CD99: variants seen among roughly 807,000 people sequenced by gnomAD.
CD99 encodes the protein CD99 molecule (Xg blood group), also known as CD99 antigen.
Under a neutral mutation model 28.4 loss-of-function variants are expected in CD99, and 19 were observed. That is an observed-to-expected ratio of 0.67 (90% CI 0.47 to 0.98). CD99 has a LOEUF of 0.98. Ranked by LOEUF, CD99 falls within the 50% of genes least tolerant of loss-of-function variation. The pLI is 0.00. For synonymous variants in CD99, 103 were observed against 92.1 expected, an observed-to-expected ratio of 1.12 and a Z score of -0.67; for missense variants, 283 against 248.8, an observed-to-expected ratio of 1.14 and a Z score of -0.92.
At position 2,709,518 on chromosome X, in the gene CD99, C is replaced by CA. The variant is rs2048286720; in HGVS notation, c.68-4903dup. 3.3e-5 allele frequency among the ~76,000 whole-genome samples: 5 copies of CA among 152,304 alleles called. No homozygotes were observed. In the South Asian group the frequency reaches 8.3e-4, roughly 25 times the overall value. On this transcript the variant is annotated intron_variant, in intron 1 of 9. Coordinates refer to ENST00000381192, the MANE Select transcript of CD99 (RefSeq NM_002414.5). ...AGCACACTCACAATGCACATGAAAA[C>CA]ACGTGTGCACACACATGCAGTGCAA...
At chrX:2,734,776 C>CT (rs56157721) in intron 8 of CD99, among the ~76,000 whole-genome samples, 7 of 144,718 alleles carry the variant, frequency 4.8e-5, no homozygotes, top group South Asian at 2.2e-4. Context: ...TTTCTGATTT[C>CT]TTTTTTTTTC....
At chrX:2,737,928 A>T in intron 8 of CD99, 1 of 670,780 alleles carries the variant, frequency 1.5e-6, no homozygotes, top group Non-Finnish European at 2.8e-6. Context: ...AGAAGAAAGC[A>T]ACCCTTAAAA....
chrX:2,720,482 A>G, intron 5 of CD99, 58 bp downstream of exon 5: 3 of 1,531,150 alleles, frequency 2.0e-6, no homozygotes, highest in South Asian at 2.2e-5. Flanking sequence ...AGCGATATTT[A>G]TGTCAGCTGA....
chrX:2,733,403 G>A (rs763704608), intron 8 of CD99: 74 of 1,586,328 alleles, frequency 4.7e-5, no homozygotes, highest in Middle Eastern at 1.7e-4. Flanking sequence ...CCAGGCCTGC[G>A]GAGCGTCCTG....
chrX:2,729,229 A>G (rs2049463793), intron 8 of CD99, among the ~76,000 whole-genome samples: 1 of 152,200 alleles, frequency 6.6e-6, no homozygotes, highest in African/African-American at 2.4e-5. Flanking sequence ...AGGTCAACCC[A>G]AATTGGATTC....
chrX:2,714,639 C>T, intron 2 of CD99, 185 bp downstream of exon 2: 1 of 510,236 alleles, frequency 2.0e-6, no homozygotes, highest in Non-Finnish European at 3.6e-6. Flanking sequence ...ATTAAGTATG[C>T]AATAGCATTA....
intron 8 of CD99, among the ~76,000 whole-genome samples, chrX:2,730,105 G>A (rs2049512649): frequency 6.6e-6 from 1 of 152,248 alleles, no homozygotes; most frequent in Non-Finnish European, 1.5e-5. Context: ...AGTAAGCCAT[G>A]ATTGCACCAC....
At chrX:2,709,118 A>C (rs1002605282) in intron 1 of CD99, among the ~76,000 whole-genome samples, 2 of 145,290 alleles carry the variant, frequency 1.4e-5, no homozygotes, top group African/African-American at 4.9e-5. Context: ...GGAGGATGGG[A>C]GGGGCAAGCT....
At chrX:2,713,068 A>G (rs933559391) in intron 1 of CD99, among the ~76,000 whole-genome samples, 6 of 151,660 alleles carry the variant, frequency 4.0e-5, no homozygotes, top group Non-Finnish European at 5.9e-5. Flanking sequence ...ACACACATAA[A>G]CATATTGACA....
At chrX:2,725,577 C>T (rs899618350) in intron 7 of CD99, among the ~76,000 whole-genome samples, 2 of 152,170 alleles carry the variant, frequency 1.3e-5, no homozygotes, top group Non-Finnish European at 2.9e-5. Context: ...GCCTGGGCTC[C>T]TTCCTCCAGG....
chrX:2,691,588 A>T (rs2047296178), intron 1 of CD99, 161 bp downstream of exon 1: 2 of 784,358 alleles, frequency 2.5e-6, no homozygotes, highest in East Asian at 5.3e-5. Flanking sequence ...GGCCCGGAGG[A>T]GGCGCCCACT....
intron 7 of CD99, among the ~76,000 whole-genome samples, chrX:2,724,346 G>C (rs1198301755): frequency 6.6e-6 from 1 of 152,124 alleles, no homozygotes; most frequent in South Asian, 2.1e-4. Context: ...ACACACCACC[G>C]ACAGGCCATG....
chrX:2,718,407 C>G (rs955085443), intron 3 of CD99, among the ~76,000 whole-genome samples: 2 of 148,790 alleles, frequency 1.3e-5, no homozygotes, highest in African/African-American at 5.0e-5. Context: ...CTCGCTCTGT[C>G]GCCCAGGCTG....
chrX:2,732,799 TTCC>T (rs1442816491), intron 8 of CD99, among the ~76,000 whole-genome samples: 4 of 148,244 alleles, frequency 2.7e-5, no homozygotes, highest in African/African-American at 9.9e-5. Context: ...CTTTCCTTCC[TTCC>T]TTTCTTTTTT....
rs28678446 is a variant in CD99 at position 2,711,249 on chromosome X, A to C, written c.68-3173A>C. ...ATATATATATAATATATATATGTGT[A>C]TATATATATTTGTATAAATATATAA... On this transcript the variant is annotated intron_variant, in intron 1 of 9. Coordinates refer to ENST00000381192, the MANE Select transcript of CD99 (RefSeq NM_002414.5). Among the ~76,000 whole-genome samples, 452 of 147,792 alleles carry C rather than the reference A, an allele frequency of 3.1e-3. 13 individuals carry two copies. The East Asian group carries it at 0.075, about 25-fold the overall frequency.
intron 2 of CD99, among the ~76,000 whole-genome samples, chrX:2,716,535 A>T (rs2048728439): frequency 6.6e-6 from 1 of 152,064 alleles, no homozygotes; most frequent in Non-Finnish European, 1.5e-5. Flanking sequence ...TGTGTTGCTC[A>T]GATTGGAGTG....
rs201337147 is a variant in CD99, at chrX:2,730,277, ACT to A, written c.475+3908_475+3909del. On this transcript the variant is annotated intron_variant, in intron 8 of 9. Coordinates refer to ENST00000381192, the MANE Select transcript of CD99 (RefSeq NM_002414.5). Reference sequence around the variant, plus strand: ...AGCCTCTGCCTCCCGGGTTCAAGCGACTCTCCTGCCTCAGCTTCCCGAGCAGC... The same window carrying A: ...AGCCTCTGCCTCCCGGGTTCAAGCGACTCCTGCCTCAGCTTCCCGAGCAGC... Among the ~76,000 whole-genome samples the A allele has an allele frequency of 0.014, 2,157 of 150,148 alleles. 201 individuals carry two copies. The East Asian group carries it at 0.28, about 19-fold the overall frequency.
At chrX:2,697,317 G>A (rs1475751424) in intron 1 of CD99, among the ~76,000 whole-genome samples, 1 of 152,202 alleles carries the variant, frequency 6.6e-6, no homozygotes, top group Admixed American at 6.5e-5. Flanking sequence ...ACCTGAAAGA[G>A]TCTGATTTTC....
chrX:2,697,049 C>T (rs2047609140), intron 1 of CD99, among the ~76,000 whole-genome samples: 1 of 152,060 alleles, frequency 6.6e-6, no homozygotes, highest in African/African-American at 2.4e-5. Flanking sequence ...ACCCACCTTG[C>T]AAAGAAGAAA....
Sources: allele counts gnomAD v4.1 joint callset (sites outside exome capture counted in the v4.1 genomes callset), GRCh38; gene constraint gnomAD v4.1.1; transcripts MANE v1.5; gene names NCBI Gene and HGNC (gene_info 2026-07-23, HGNC 2026-07-21).